The following MSC variants were observed in gnomAD, a reference collection of about 807,000 sequenced individuals.
The protein encoded by MSC is musculin.
MSC carries 16 observed loss-of-function variants against 14.4 expected under a neutral mutation model. The observed-to-expected ratio is 1.11, with a 90% CI of 0.75 to 1.69. The LOEUF (loss-of-function observed/expected upper bound fraction) is 1.69, where lower values mean the gene tolerates loss of function less well. MSC is among the 40% of genes most tolerant of loss of function. The pLI is 0.00. For synonymous variants in MSC, 165 were observed against 128.5 expected (o/e 1.28, Z -1.92); for missense variants, 320 against 288.1 (o/e 1.11, Z -0.80).
rs1026398685 is a variant in MSC at position 71,843,914 on chromosome 8, C to T, written c.265G>A (p.Gly89Ser). 2.5e-6 allele frequency: 4 copies of T among 1,582,830 alleles called. No individual in the cohort carries two copies. The highest frequency in any genetic ancestry group is 4.7e-5 in the East Asian group (2 of 42,786). The change falls in exon 1 of 2, where the codon GGT becomes AGT. Residue 89 changes from glycine (G) to serine (S), a missense_variant. Transcript: ENST00000325509. ...GGGGAGGSAG[G>S]GGKKPLPAKG... The stretch of plus-strand genomic sequence containing the variant: ...GCCGGGAGGGGCTTCTTGCCACCAC[C>T]GCCCGCGCTACCACCTGCGCCGCCG...
chr8:71,844,235 T>C lies in MSC; in HGVS notation c.-57A>G. On this transcript the variant is annotated 5_prime_UTR_variant, in exon 1 of 2. Coordinates refer to ENST00000325509, the MANE Select transcript of MSC (RefSeq NM_005098.4). Reference sequence around the variant, plus strand: ...TTTCCTCCCCCCTGGCCAGTCTCGCTGTCTCCGCCTTCCGCTCCCTGGCGG... The same window carrying C: ...TTTCCTCCCCCCTGGCCAGTCTCGCCGTCTCCGCCTTCCGCTCCCTGGCGG... 6.2e-7 allele frequency: 1 copy of C among 1,602,014 alleles called. No individual in the cohort carries two copies. Among genetic ancestry groups the C allele is most frequent in the Non-Finnish European group, 8.5e-7 (1 of 1,175,038 alleles).
rs1468436971 is a variant in MSC at position 71,843,734 on chromosome 8, G to A, written c.445C>T (p.Leu149Phe). 6.2e-7 allele frequency: 1 copy of A among 1,614,218 alleles called. No homozygotes were observed. The highest frequency in any genetic ancestry group is 1.1e-5 in the South Asian group (1 of 91,090). Residue 149 changes from leucine to phenylalanine, a missense_variant, in exon 1 of 2, where the codon CTC (leucine) becomes TTC (phenylalanine). Leu to Phe is a conservative substitution (Grantham distance 22, BLOSUM62 0). Transcript: ENST00000325509. ...GCGATGTAACTGGAAGCCAGCCGGA[G>A]CGTGTCCAGCTTGGAGAGCTTAGTG... The part of the protein sequence containing the change: ...PDTKLSKLDT[L>F]RLASSYIAHL...
intron 1 of MSC, chr8:71,843,353 G>A: frequency 3.9e-6 from 2 of 510,396 alleles, no homozygotes; most frequent in Non-Finnish European, 7.2e-6. Flanking sequence ...CAACCTGGTG[G>A]CAGATGGAGA....
At chr8:71,843,080 A>ACG (rs1261031544) in intron 1 of MSC, 34 of 350,576 alleles carry the variant, frequency 9.7e-5, no homozygotes, top group Non-Finnish European at 1.1e-5. Context: ...ACACACACAC[A>ACG]CAGTCATCCA....
At position 71,842,143 on chromosome 8, in the gene MSC, C is replaced by T. The variant is rs1010879957; in HGVS notation, c.*518G>A. ...GTACGAACCCGGCCCAGAGAAGCCA[C>T]TCGCCCTTCTTTGTCACTTAAAACC... On this transcript the variant is annotated 3_prime_UTR_variant, in exon 2 of 2. Transcript: ENST00000325509. 15 of 170,386 alleles carry T rather than the reference C, an allele frequency of 8.8e-5. No individual in the cohort carries two copies. Among genetic ancestry groups the T allele is most frequent in the African/African-American group, 3.1e-4 (13 of 42,294 alleles). The allele number at this position is 170,386 out of a possible 1,614,324, so 10.6% of individuals were successfully genotyped here. A position where few individuals can be genotyped will look rare whatever the true frequency, so the allele number is the denominator to read the frequency against.
Position 71,843,933 on chromosome 8 carries a change from G to T in MSC, c.246C>A (p.Gly82=), listed in dbSNP as rs1192468646. 2 of 1,565,784 alleles carry T rather than the reference G, an allele frequency of 1.3e-6. No homozygotes were observed. Among genetic ancestry groups the T allele is most frequent in the Non-Finnish European group, 1.7e-6 (2 of 1,157,848 alleles). Residue 82 remains glycine (G), a synonymous_variant, in exon 1 of 2, where the codon GGC becomes GGA. Coordinates refer to ENST00000325509, the MANE Select transcript of MSC (RefSeq NM_005098.4). ...CACCACCGCCCGCGCTACCACCTGCGCCGCCGCCCCCAGCCACACGGGGCC... is the reference window on the plus strand; with the variant it reads ...CACCACCGCCCGCGCTACCACCTGCTCCGCCGCCCCCAGCCACACGGGGCC... The part of the protein sequence containing the change: ...RKRPRVAGGG[G]AGGSAGGGGK...
At position 71,843,830 on chromosome 8, in the gene MSC, G is replaced by A; in HGVS notation, c.349C>T (p.Arg117Cys). 6.2e-7 allele frequency: 1 copy of A among 1,613,342 alleles called. No individual in the cohort carries two copies. The highest frequency in any genetic ancestry group is 8.5e-7 in the Non-Finnish European group (1 of 1,179,856). Reference sequence around the variant, plus strand: ...TTGCTCAGCACGCGCATCCGGGCACGCTCACGGGCGTTGGCCGCGTTCCGC... The same window carrying A: ...TTGCTCAGCACGCGCATCCGGGCACACTCACGGGCGTTGGCCGCGTTCCGC... ...SQRNAANARERARMRVLSKAF... is the reference protein window; with the variant it reads ...SQRNAANARECARMRVLSKAF... Residue 117 changes from arginine (R) to cysteine (C), a missense_variant, in exon 1 of 2, where the codon CGT (arginine) becomes TGT (cysteine). Physicochemically the swap from Arg to Cys is radical, Grantham distance 180 (BLOSUM62 -3). Coordinates refer to ENST00000325509, the MANE Select transcript of MSC (RefSeq NM_005098.4).
chr8:71,844,255 T>TGGCGGA lies in MSC; in HGVS notation c.-83_-78dup, dbSNP rs749251330. 2.6e-4 allele frequency: 404 copies of TGGCGGA among 1,580,124 alleles called. No homozygotes were observed. Among genetic ancestry groups the TGGCGGA allele is most frequent in the Non-Finnish European group, 3.4e-4 (393 of 1,158,310 alleles). Reference sequence around the variant, plus strand: ...CTCGCTGTCTCCGCCTTCCGCTCCCTGGCGGAGGCGGAGGCCAGAGAGCGC... The same window carrying TGGCGGA: ...CTCGCTGTCTCCGCCTTCCGCTCCCTGGCGGAGGCGGAGGCGGAGGCCAGAGAGCGC... On this transcript the variant is annotated 5_prime_UTR_variant, in exon 1 of 2. Coordinates refer to ENST00000325509, the MANE Select transcript of MSC (RefSeq NM_005098.4).
rs201988301 is a variant in MSC at position 71,844,023 on chromosome 8, G to C, written c.156C>G (p.Pro52=). The change falls in exon 1 of 2, where the codon CCC becomes CCG. Residue 52 remains proline (P), a synonymous_variant. Coordinates refer to ENST00000325509, the MANE Select transcript of MSC (RefSeq NM_005098.4). ...SDNSSAEEED[P]DGEEERCALG... is the part of the protein sequence containing the mutation. ...GAGCGCAGCGCTCCTCCTCGCCGTC[G>C]GGGTCCTCCTCCTCTGCCGACGAGT... 1 of 1,581,550 alleles carries C rather than the reference G, an allele frequency of 6.3e-7. No homozygotes were observed. Among genetic ancestry groups the C allele is most frequent in the Non-Finnish European group, 8.6e-7 (1 of 1,165,690 alleles).
rs938529047 is a variant in MSC, at chr8:71,843,953, G to A, written c.226C>T (p.Arg76Cys). 22 of 1,561,940 alleles carry A rather than the reference G, an allele frequency of 1.4e-5. No homozygotes were observed. Among genetic ancestry groups the A allele is most frequent in the Non-Finnish European group, 1.7e-5 (20 of 1,155,600 alleles). The change falls in exon 1 of 2, where the codon CGT (arginine) becomes TGT (cysteine). Residue 76 changes from arginine (R) to cysteine (C), a missense_variant. By Grantham distance (180) the Arg-to-Cys change is radical (BLOSUM62 -3). Coordinates refer to ENST00000325509, the MANE Select transcript of MSC (RefSeq NM_005098.4). ...CCTGCGCCGCCGCCCCCAGCCACAC[G>A]GGGCCGCTTCCTCTTGCAGCCTTCC... Reference protein sequence around the residue: ...SAEGCKRKRPRVAGGGGAGGS... With the variant: ...SAEGCKRKRPCVAGGGGAGGS...
At position 71,842,466 on chromosome 8, in the gene MSC, C is replaced by T; in HGVS notation, c.*195G>A. ...GCAAAACGTGGTCGCCCAGATCCGG[C>T]GCAGCTGTAGCCGTGGGCGCTGTGC... is the stretch of plus-strand genomic sequence containing the variant. On this transcript the variant is annotated 3_prime_UTR_variant, in exon 2 of 2. Coordinates refer to ENST00000325509, the MANE Select transcript of MSC (RefSeq NM_005098.4). 1 of 638,502 alleles carries T rather than the reference C, an allele frequency of 1.6e-6. No homozygotes were observed. Among genetic ancestry groups the T allele is most frequent in the African/African-American group, 1.8e-5 (1 of 55,172 alleles). The allele number at this position is 638,502 out of a possible 1,614,324, so 39.6% of individuals were successfully genotyped here.
intron 1 of MSC, chr8:71,843,077 CACACAG>C: frequency 2.8e-6 from 1 of 353,792 alleles, no homozygotes; most frequent in Non-Finnish European, 5.4e-6. Flanking sequence ...CACACACACA[CACACAG>C]TCATCCACTC....
rs1318361541 is a variant in MSC, at chr8:71,842,430, T to C, written c.*231A>G. The C allele has an allele frequency of 1.8e-6, 1 of 547,218 alleles. No individual in the cohort carries two copies. Among genetic ancestry groups the C allele is most frequent in the East Asian group, 3.2e-5 (1 of 30,800 alleles). 33.9% of individuals were successfully genotyped at this position (547,218 alleles called of 1,614,324 possible). A position where few individuals can be genotyped will look rare whatever the true frequency, so the allele number is the denominator to read the frequency against. The stretch of plus-strand genomic sequence containing the variant: ...CGCGTCTCGTCACGAAAGGAAGCTC[T>C]TTTTGGAGAGGCAAAACGTGGTCGC... On this transcript the variant is annotated 3_prime_UTR_variant, in exon 2 of 2. Transcript: ENST00000325509.
In MSC at chr8:71,843,630, G is replaced by T. The variant is rs1807440385; in HGVS notation, c.534+15C>A. 4 of 1,614,072 alleles carry T rather than the reference G, an allele frequency of 2.5e-6. No individual in the cohort carries two copies. The highest frequency in any genetic ancestry group is 3.4e-6 in the Non-Finnish European group (4 of 1,179,994). ...CCTGGCTGCTCTCCCGAATCCTTGCGCGCCGCGCCCCTACCAGGTTCACTG... is the reference window on the plus strand; with the variant it reads ...CCTGGCTGCTCTCCCGAATCCTTGCTCGCCGCGCCCCTACCAGGTTCACTG... On this transcript the variant is annotated intron_variant, in intron 1 of 1. Coordinates refer to ENST00000325509, the MANE Select transcript of MSC (RefSeq NM_005098.4).
In MSC at chr8:71,843,904, T is replaced by C. The variant is rs755961248; in HGVS notation, c.275A>G (p.Lys92Arg). The C allele has an allele frequency of 3.8e-6, 6 of 1,593,608 alleles. No homozygotes were observed. Among genetic ancestry groups the C allele is most frequent in the Non-Finnish European group, 5.1e-6 (6 of 1,171,056 alleles). Residue 92 changes from lysine to arginine, a missense_variant, in exon 1 of 2, where the codon AAG (lysine) becomes AGG (arginine). Physicochemically the swap from Lys to Arg is conservative, Grantham distance 26. Coordinates refer to ENST00000325509, the MANE Select transcript of MSC (RefSeq NM_005098.4). ...TGAGCCCTTGGCCGGGAGGGGCTTCTTGCCACCACCGCCCGCGCTACCACC... is the reference window on the plus strand; with the variant it reads ...TGAGCCCTTGGCCGGGAGGGGCTTCCTGCCACCACCGCCCGCGCTACCACC... ...GAGGSAGGGG[K>R]KPLPAKGSAA... is the part of the protein sequence containing the mutation.
Position 71,843,953 on chromosome 8 carries a change from G to C in MSC, c.226C>G (p.Arg76Gly). Residue 76 changes from arginine to glycine, a missense_variant, in exon 1 of 2, where the codon CGT becomes GGT. Coordinates refer to ENST00000325509, the MANE Select transcript of MSC (RefSeq NM_005098.4). ...SAEGCKRKRP[R>G]VAGGGGAGGS... ...CCTGCGCCGCCGCCCCCAGCCACAC[G>C]GGGCCGCTTCCTCTTGCAGCCTTCC... 9.6e-6 allele frequency: 15 copies of C among 1,562,058 alleles called. No homozygotes were observed. Among genetic ancestry groups the C allele is most frequent in the Non-Finnish European group, 1.2e-5 (14 of 1,155,592 alleles).
Position 71,843,665 on chromosome 8 carries a change from A to T in MSC, c.514T>A (p.Tyr172Asn). 6.2e-7 allele frequency: 1 copy of T among 1,614,198 alleles called. No individual in the cohort carries two copies. The highest frequency in any genetic ancestry group is 8.5e-7 in the Non-Finnish European group (1 of 1,180,030). The change falls in exon 1 of 2, where the codon TAC becomes AAC. Residue 172 changes from tyrosine (Y) to asparagine (N), a missense_variant. Coordinates refer to ENST00000325509, the MANE Select transcript of MSC (RefSeq NM_005098.4). ...LLQEDRYENG[Y>N]VHPVNLTWPF... ...CCTACCAGGTTCACTGGGTGCACGT[A>T]GCCGTTCTCATAGCGGTCCTCCTGC...
chr8:71,842,410 C>T lies in MSC; in HGVS notation c.*251G>A. ...CCCGAGGGTGGACCTGCGTCCGCGT[C>T]TCGTCACGAAAGGAAGCTCTTTTTG... On this transcript the variant is annotated 3_prime_UTR_variant, in exon 2 of 2. Coordinates refer to ENST00000325509, the MANE Select transcript of MSC (RefSeq NM_005098.4). 1 of 479,586 alleles carries T rather than the reference C, an allele frequency of 2.1e-6. No individual in the cohort carries two copies. Among genetic ancestry groups the T allele is most frequent in the South Asian group, 2.0e-5 (1 of 49,618 alleles). The allele number at this position is 479,586 out of a possible 1,614,324, so 29.7% of individuals were successfully genotyped here.
At chr8:71,843,449 G>T in intron 1 of MSC, 196 bp downstream of exon 1, 1 of 727,992 alleles carries the variant, frequency 1.4e-6, no homozygotes, top group South Asian at 1.5e-5. Context: ...AACAGACACG[G>T]AGGGTTGATT....
Sources: gnomAD v4.1 joint callset for allele counts on GRCh38, gnomAD v4.1.1 for gene constraint, MANE v1.5 for transcripts, NCBI Gene and HGNC (gene_info 2026-07-23, HGNC 2026-07-21) for gene names.